SOBP: variants seen among roughly 807,000 people sequenced by gnomAD.
The protein encoded by SOBP is sine oculis-binding protein homolog.
A neutral mutation model predicts 53.6 loss-of-function variants in SOBP; 4 were observed. That is an observed-to-expected ratio of 0.07 (90% CI 0.04 to 0.17). The LOEUF is 0.17. Among genes scored for constraint, SOBP ranks in the 10% least tolerant of loss-of-function variants. The pLI, the probability that SOBP is intolerant of heterozygous loss-of-function variation, is 1.00. For synonymous variants in SOBP, 584 were observed against 522.6 expected (o/e 1.12, Z -1.60); for missense variants, 1,088 against 1,204.7 (o/e 0.90, Z 1.43).
chr6:107,594,373 A>G (rs781397157), intron 5 of SOBP, among the ~76,000 whole-genome samples: 50 of 152,084 alleles, frequency 3.3e-4, no homozygotes, highest in Non-Finnish European at 1.0e-4. Context: ...TTTACTAGCA[A>G]TGGAGTACCT....
intron 6 of SOBP, among the ~76,000 whole-genome samples, chr6:107,652,323 A>T (rs931603309): frequency 1.3e-5 from 2 of 152,240 alleles, no homozygotes; most frequent in Non-Finnish European, 2.9e-5. Context: ...ACACTCGTGG[A>T]TGACTTTGAA....
intron 4 of SOBP, among the ~76,000 whole-genome samples, chr6:107,580,622 G>GT (rs1562630014): frequency 6.6e-6 from 1 of 152,226 alleles, no homozygotes; most frequent in East Asian, 1.9e-4. Flanking sequence ...AAGGTGCACA[G>GT]TTGCTTAATC....
chr6:107,576,763 CTG>C (rs1048698521), intron 4 of SOBP, among the ~76,000 whole-genome samples: 10 of 152,180 alleles, frequency 6.6e-5, no homozygotes, highest in African/African-American at 2.4e-4. Context: ...ATGAGGTAAA[CTG>C]AGGCTTAGCA....
chr6:107,657,207 A>G (rs577695214), intron 6 of SOBP, among the ~76,000 whole-genome samples: 64 of 152,304 alleles, frequency 4.2e-4, no homozygotes, highest in African/African-American at 1.5e-3. Flanking sequence ...AGGAAGCTCT[A>G]TTTCAAACCA....
intron 6 of SOBP, among the ~76,000 whole-genome samples, chr6:107,652,485 A>T (rs1053427883): frequency 1.3e-5 from 2 of 152,238 alleles, no homozygotes; most frequent in African/African-American, 4.8e-5. Context: ...GAACAAAGAA[A>T]TTGGTTTCTA....
rs1583131635 is a variant in SOBP, at chr6:107,490,372, C to T, written c.-245C>T. 3 of 186,294 alleles carry T rather than the reference C, an allele frequency of 1.6e-5. No individual in the cohort carries two copies. Among genetic ancestry groups the T allele is most frequent in the African/African-American group, 2.4e-5 (1 of 41,850 alleles). The allele number at this position is 186,294 out of a possible 1,614,324, so 11.5% of individuals were successfully genotyped here. A position where few individuals can be genotyped will look rare whatever the true frequency, so the allele number is the denominator to read the frequency against. On this transcript the variant is annotated 5_prime_UTR_variant, in exon 1 of 7. Transcript: ENST00000317357. ...GCAGCAGGAGCCGGAGCGACGGCGG[C>T]GGCATCCCCGAGACTCTCCGCACTA...
At chr6:107,593,984 T>C (rs958518961) in intron 5 of SOBP, among the ~76,000 whole-genome samples, 4 of 152,262 alleles carry the variant, frequency 2.6e-5, no homozygotes, top group Non-Finnish European at 4.4e-5. Context: ...TGCTGACTTA[T>C]GAAGTACTGC....
chr6:107,525,950 C>CT (rs562912533), intron 3 of SOBP, among the ~76,000 whole-genome samples: 10 of 149,700 alleles, frequency 6.7e-5, no homozygotes, highest in South Asian at 2.1e-4. Flanking sequence ...CTGTCATGTT[C>CT]TTTTTTTTTT....
At chr6:107,544,864 T>G (rs997066386) in intron 4 of SOBP, among the ~76,000 whole-genome samples, 4 of 152,250 alleles carry the variant, frequency 2.6e-5, no homozygotes, top group African/African-American at 7.2e-5. Context: ...GTTGCTTGCC[T>G]GCTGGCCTCT....
At chr6:107,503,200 G>T (rs1782889461) in intron 1 of SOBP, among the ~76,000 whole-genome samples, 1 of 152,182 alleles carries the variant, frequency 6.6e-6, no homozygotes, top group Non-Finnish European at 1.5e-5. Context: ...TCCGCGATAA[G>T]AGTTATCTTA....
chr6:107,567,953 G>C (rs1784965201), intron 4 of SOBP, among the ~76,000 whole-genome samples: 1 of 152,114 alleles, frequency 6.6e-6, no homozygotes, highest in Admixed American at 6.5e-5. Flanking sequence ...TGGAAGAAGG[G>C]GCAGTATTTA....
At chr6:107,601,624 C>T (rs184881125) in intron 5 of SOBP, among the ~76,000 whole-genome samples, 2 of 152,322 alleles carry the variant, frequency 1.3e-5, no homozygotes, top group Admixed American at 6.5e-5. Context: ...GCCTCTCCGC[C>T]TTCTGTCTCT....
intron 4 of SOBP, among the ~76,000 whole-genome samples, chr6:107,561,160 T>G (rs1235001244): frequency 6.6e-6 from 1 of 152,146 alleles, no homozygotes; most frequent in East Asian, 1.9e-4. Context: ...TGGGAGTATC[T>G]GAGATGGTAG....
At chr6:107,527,360 C>T (rs544998575) in intron 3 of SOBP, among the ~76,000 whole-genome samples, 12 of 152,300 alleles carry the variant, frequency 7.9e-5, no homozygotes, top group African/African-American at 2.6e-4. Flanking sequence ...AATGGCTTTA[C>T]TCTTAAATAA....
At chr6:107,516,837 A>C (rs1358408145) in intron 3 of SOBP, among the ~76,000 whole-genome samples, 1 of 152,214 alleles carries the variant, frequency 6.6e-6, no homozygotes, top group East Asian at 1.9e-4. Context: ...TACACAGAGA[A>C]TCATAAACAT....
At chr6:107,585,980 C>A (rs1172642354) in intron 4 of SOBP, among the ~76,000 whole-genome samples, 2 of 152,156 alleles carry the variant, frequency 1.3e-5, no homozygotes, top group African/African-American at 4.8e-5. Context: ...TACATAACAA[C>A]AGGTAGTTCT....
At chr6:107,608,670 A>G (rs1786480937) in intron 5 of SOBP, among the ~76,000 whole-genome samples, 1 of 152,188 alleles carries the variant, frequency 6.6e-6, no homozygotes, top group South Asian at 2.1e-4. Flanking sequence ...TGAAAGTTTC[A>G]ATTATGTTTC....
At chr6:107,646,148 A>G (rs1369718089) in intron 6 of SOBP, among the ~76,000 whole-genome samples, 1 of 152,252 alleles carries the variant, frequency 6.6e-6, no homozygotes, top group Non-Finnish European at 1.5e-5. Flanking sequence ...ATGGCAGGCT[A>G]ATTGCCAGCA....
intron 5 of SOBP, among the ~76,000 whole-genome samples, chr6:107,608,931 A>G (rs1027558717): frequency 4.6e-5 from 7 of 152,230 alleles, no homozygotes; most frequent in Non-Finnish European, 8.8e-5. Flanking sequence ...ACACAGAAAC[A>G]AGAGACTTTT....
Sources: gnomAD v4.1 joint callset for allele counts (sites outside exome capture counted in the v4.1 genomes callset) on GRCh38, gnomAD v4.1.1 for gene constraint, MANE v1.5 for transcripts, NCBI Gene and HGNC (gene_info 2026-07-23, HGNC 2026-07-21) for gene names.